The following POC1B variants were observed in gnomAD, a reference collection of about 807,000 sequenced individuals.
The protein encoded by POC1B is POC1 centriolar protein B.
POC1B carries 44 observed loss-of-function variants against 60.6 expected under a neutral mutation model. The ratio of observed to expected loss-of-function variants is 0.73; its 90% CI spans 0.57 to 0.93. The LOEUF (loss-of-function observed/expected upper bound fraction) is 0.93. Among genes scored for constraint, POC1B ranks in the 40% least tolerant of loss-of-function variants. The pLI, the probability that POC1B is intolerant of heterozygous loss-of-function variation, is 0.00. For synonymous variants in POC1B, 180 were observed against 198.9 expected, an observed-to-expected ratio of 0.90 and a Z score of 0.80; for missense variants, 555 against 572.3, an observed-to-expected ratio of 0.97 and a Z score of 0.31.
chr12:89,430,439 C>T (rs577144074), intron 10 of POC1B, among the ~76,000 whole-genome samples: 2 of 152,162 alleles, frequency 1.3e-5, no homozygotes, highest in South Asian at 4.1e-4. Flanking sequence ...GAAAATTAAC[C>T]ATTCAACAAC....
chr12:89,502,267 C>G (rs1869611965), intron 2 of POC1B: 1 of 1,523,606 alleles, frequency 6.6e-7, no homozygotes, highest in African/African-American at 1.4e-5. Context: ...TAAAGTGATA[C>G]CAAAGAACAG....
At chr12:89,514,158 T>A (rs957122568) in intron 2 of POC1B, among the ~76,000 whole-genome samples, 3 of 152,184 alleles carry the variant, frequency 2.0e-5, no homozygotes, top group East Asian at 1.9e-4. Context: ...AGGGGCAGAA[T>A]TCCCCCTTGC....
intron 10 of POC1B, among the ~76,000 whole-genome samples, chr12:89,437,836 T>C (rs1881335475): frequency 6.7e-6 from 1 of 148,156 alleles, no homozygotes; most frequent in Non-Finnish European, 1.5e-5. Flanking sequence ...TCACCTGAGG[T>C]CAGGAGTTTG....
intron 11 of POC1B, among the ~76,000 whole-genome samples, chr12:89,422,228 G>A (rs1397624473): frequency 5.3e-5 from 8 of 152,044 alleles, no homozygotes; most frequent in East Asian, 1.9e-4. Context: ...TTCCTTGCCC[G>A]CCCTCTGTAA....
chr12:89,488,964 A>G (rs1190212574), intron 4 of POC1B, among the ~76,000 whole-genome samples: 1 of 151,844 alleles, frequency 6.6e-6, no homozygotes, highest in African/African-American at 2.4e-5. Context: ...TACCTGACCC[A>G]CCCCAGAACA....
intron 10 of POC1B, among the ~76,000 whole-genome samples, chr12:89,448,840 G>A (rs567892206): frequency 3.3e-5 from 5 of 152,286 alleles, no homozygotes; most frequent in Admixed American, 3.3e-4. Context: ...GTGTGCCAAG[G>A]ATTTATGTAC....
At chr12:89,463,437 A>C (rs987961495) in intron 9 of POC1B, among the ~76,000 whole-genome samples, 9 of 152,074 alleles carry the variant, frequency 5.9e-5, no homozygotes, top group African/African-American at 2.2e-4. Context: ...TCACACACAC[A>C]CACACACTGA....
rs78575226 is a variant in POC1B, at chr12:89,491,886, G to C, written c.452+50C>G. 9.3e-4 allele frequency: 1,299 copies of C among 1,402,972 alleles called. 9 individuals carry two copies. The highest frequency in any genetic ancestry group is 6.4e-3 in the South Asian group (365 of 56,892). The allele number at this position is 1,402,972 out of a possible 1,614,324, so 86.9% of individuals were successfully genotyped here. ...TTTTCTGGAAGTTGGGGGCAAACAT[G>C]AAGCAGAAAAAATATGTGGACATCT... On this transcript the variant is annotated intron_variant, in intron 4 of 11. Coordinates refer to ENST00000313546, the MANE Select transcript of POC1B (RefSeq NM_172240.3).
intron 10 of POC1B, among the ~76,000 whole-genome samples, chr12:89,445,388 G>A (rs1881734568): frequency 6.6e-6 from 1 of 152,156 alleles, no homozygotes; most frequent in African/African-American, 2.4e-5. Context: ...AAAACAGCAT[G>A]GTACTGGTAC....
chr12:89,431,345 G>T (rs7295439), intron 10 of POC1B, among the ~76,000 whole-genome samples: 76,457 of 151,884 alleles, frequency 0.5, 19,534 homozygotes, highest in Non-Finnish European at 0.53. Context: ...GAGATATTGT[G>T]AAAGATATAC....
chr12:89,475,446 T>C (rs1883066092), intron 4 of POC1B, among the ~76,000 whole-genome samples: 1 of 152,192 alleles, frequency 6.6e-6, no homozygotes. Context: ...ATTATAATCC[T>C]GCATATGCTC....
intron 2 of POC1B, among the ~76,000 whole-genome samples, chr12:89,509,053 C>A (rs1870045168): frequency 6.6e-6 from 1 of 152,204 alleles, no homozygotes; most frequent in Admixed American, 6.5e-5. Flanking sequence ...CTAATTTTAG[C>A]ATCCTTTCAT....
chr12:89,410,313 A>G, the POC1B span, among the ~76,000 whole-genome samples: 1 of 152,242 alleles, frequency 6.6e-6, no homozygotes, highest in African/African-American at 2.4e-5. Context: ...TCTCAAAATA[A>G]TAAGAGATAT....
chr12:89,514,452 A>G (rs1870352449), intron 2 of POC1B, among the ~76,000 whole-genome samples: 1 of 112,406 alleles, frequency 8.9e-6, no homozygotes, highest in Admixed American at 1.3e-4. Context: ...TCTGTCGTCC[A>G]GGCTGGAGTA....
At chr12:89,438,073 A>T (rs971492261) in intron 10 of POC1B, among the ~76,000 whole-genome samples, 1 of 151,654 alleles carries the variant, frequency 6.6e-6, no homozygotes, top group Admixed American at 6.6e-5. Context: ...AAAATTAAAA[A>T]ATCTATTATA....
chr12:89,525,665 G>C lies in POC1B; in HGVS notation c.15+216C>G, dbSNP rs184473910. On this transcript the variant is annotated intron_variant, in intron 1 of 11. Transcript: ENST00000313546. ...AGCTCAGTCCGGAGCTCCGGAACTC[G>C]GGGAAGAGCGTCCGGGAGCCGGGTC... 704 of 1,255,744 alleles carry C rather than the reference G, an allele frequency of 5.6e-4. 2 individuals are homozygous for C. The African/African-American group carries it at 8.0e-3, about 14-fold the overall frequency. The allele number at this position is 1,255,744 out of a possible 1,614,324, so 77.8% of individuals were successfully genotyped here. A position where few individuals can be genotyped will look rare whatever the true frequency, so the allele number is the denominator to read the frequency against.
At chr12:89,477,911 C>T (rs1379889862) in intron 4 of POC1B, among the ~76,000 whole-genome samples, 2 of 152,076 alleles carry the variant, frequency 1.3e-5, no homozygotes, top group Admixed American at 6.5e-5. Flanking sequence ...TTCCCTGTGC[C>T]TCAAACACTG....
intron 11 of POC1B, among the ~76,000 whole-genome samples, chr12:89,422,104 A>T (rs762689418): frequency 3.9e-5 from 6 of 152,096 alleles, no homozygotes; most frequent in Admixed American, 6.6e-5. Context: ...CACACAAGGT[A>T]CATGTGTTAT....
In POC1B at chr12:89,514,402, C is replaced by CTTTTTTTTTTTTTTT. The variant is rs60679774; in HGVS notation, c.100+10703_100+10717dup. ...ATAAGTTACTCAGTTTCATGTATTTCTTTTTTTTTTTTTTTTTTTTTTTTT... is the reference window on the plus strand; with the variant it reads ...ATAAGTTACTCAGTTTCATGTATTTCTTTTTTTTTTTTTTTTTTTTTTTTTTTTTTTTTTTTTTTT... On this transcript the variant is annotated intron_variant, in intron 2 of 11. Transcript: ENST00000313546. 3.0e-3 allele frequency among the ~76,000 whole-genome samples: 199 copies of CTTTTTTTTTTTTTTT among 67,086 alleles called. 29 individuals are homozygous for CTTTTTTTTTTTTTTT. Among genetic ancestry groups the CTTTTTTTTTTTTTTT allele is most frequent in the Admixed American group, 3.9e-3 (17 of 4,322 alleles). 44.0% of individuals were successfully genotyped at this position (67,086 alleles called of 152,430 possible). A position where few individuals can be genotyped will look rare whatever the true frequency, so the allele number is the denominator to read the frequency against.
Sources: allele counts gnomAD v4.1 joint callset (sites outside exome capture counted in the v4.1 genomes callset), GRCh38; gene constraint gnomAD v4.1.1; transcripts MANE v1.5; gene names NCBI Gene and HGNC (gene_info 2026-07-23, HGNC 2026-07-21).